Variants in PREX2 observed in about 807,000 individuals in gnomAD.
PREX2 encodes the protein phosphatidylinositol 3,4,5-trisphosphate-dependent Rac exchanger 2 protein.
A neutral mutation model predicts 203.2 loss-of-function variants in PREX2; 107 were observed. That is an observed-to-expected ratio of 0.53 (90% CI 0.45 to 0.62). The LOEUF (loss-of-function observed/expected upper bound fraction) is 0.62, where lower values mean the gene tolerates loss of function less well. PREX2 is among the 20% of genes least tolerant of loss of function. The pLI, the probability that PREX2 is intolerant of heterozygous loss-of-function variation, is 0.00. For synonymous variants in PREX2, 672 were observed against 663.6 expected (o/e 1.01, Z -0.19); for missense variants, 1,777 against 1,955.9 (o/e 0.91, Z 1.72).
intron 4 of PREX2, among the ~76,000 whole-genome samples, chr8:68,024,993 A>G (rs1020827010): frequency 6.6e-6 from 1 of 151,948 alleles, no homozygotes; most frequent in South Asian, 2.1e-4. Context: ...ATATTACATT[A>G]TATATGTTAT....
intron 37 of PREX2, among the ~76,000 whole-genome samples, chr8:68,214,093 G>A (rs1446324763): frequency 6.6e-6 from 1 of 152,050 alleles, no homozygotes; most frequent in Non-Finnish European, 1.5e-5. Context: ...AGAAGATTGG[G>A]GCATCAGGTA....
At chr8:68,115,018 T>C (rs1023395190) in intron 25 of PREX2, among the ~76,000 whole-genome samples, 104 of 130,958 alleles carry the variant, frequency 7.9e-4, no homozygotes, top group Non-Finnish European at 1.4e-3. Context: ...TTTTCTTTTC[T>C]TTCTTTTTTT....
In PREX2 at chr8:68,087,604, T is replaced by A. The variant is rs1585775220; in HGVS notation, c.2028-120T>A. ...GTCTCCAAGGATTTCTAGCCCAACATCTTTCACACTGTAGATCCTCAATAT... is the reference window on the plus strand; with the variant it reads ...GTCTCCAAGGATTTCTAGCCCAACAACTTTCACACTGTAGATCCTCAATAT... On this transcript the variant is annotated intron_variant, in intron 18 of 39. Coordinates refer to ENST00000288368, the MANE Select transcript of PREX2 (RefSeq NM_024870.4). 20 of 775,724 alleles carry A rather than the reference T, an allele frequency of 2.6e-5. No homozygotes were observed. The East Asian group carries it at 5.0e-4, about 20-fold the overall frequency. 48.1% of individuals were successfully genotyped at this position (775,724 alleles called of 1,614,324 possible).
intron 14 of PREX2, among the ~76,000 whole-genome samples, chr8:68,073,135 C>T (rs1218520286): frequency 5.3e-5 from 8 of 151,558 alleles, no homozygotes; most frequent in African/African-American, 1.9e-4. Flanking sequence ...TCCTTTCCAT[C>T]ATAAGAGACA....
Position 68,192,384 on chromosome 8 carries a change from C to T in PREX2, c.4463C>T (p.Ser1488Leu), listed in dbSNP as rs61753704. The T allele has an allele frequency of 0.011, 18,130 of 1,612,902 alleles. 1,176 individuals are homozygous for T. The East Asian group carries it at 0.2, about 18-fold the overall frequency. Residue 1488 changes from serine to leucine, a missense_variant, in exon 37 of 40, where the codon TCG (serine) becomes TTG (leucine). Coordinates refer to ENST00000288368, the MANE Select transcript of PREX2 (RefSeq NM_024870.4). ...ALDELYRLVA[S>L]FIRSKRTAAC... Reference sequence around the variant, plus strand: ...GATGAACTTTACCGACTGGTAGCCTCGTTTATCAGATCCAAGCGCACAGCT... The same window carrying T: ...GATGAACTTTACCGACTGGTAGCCTTGTTTATCAGATCCAAGCGCACAGCT...
Position 67,975,742 on chromosome 8 carries a change from C to T in PREX2, c.141+23207C>T, listed in dbSNP as rs1188002394. Reference sequence around the variant, plus strand: ...TTTTTGAGATGGAGTCTGGCTCTGTCGCCAAGACTGGAGTGCAGTGGCACA... The same window carrying T: ...TTTTTGAGATGGAGTCTGGCTCTGTTGCCAAGACTGGAGTGCAGTGGCACA... On this transcript the variant is annotated intron_variant, in intron 1 of 39. Transcript: ENST00000288368. Among the ~76,000 whole-genome samples the T allele has an allele frequency of 4.5e-5, 5 of 110,890 alleles. No homozygotes were observed. The South Asian group carries it at 9.1e-4, about 20-fold the overall frequency. 72.7% of individuals were successfully genotyped at this position (110,890 alleles called of 152,430 possible).
chr8:68,158,618 GT>G (rs1446889185), intron 35 of PREX2, among the ~76,000 whole-genome samples: 5 of 152,136 alleles, frequency 3.3e-5, no homozygotes, highest in African/African-American at 1.2e-4. Flanking sequence ...AGCATCAAGT[GT>G]GGCATCTTTA....
Position 68,234,021 on chromosome 8 carries a change from G to T in PREX2, c.*2643G>T, listed in dbSNP as rs1813219537. Reference sequence around the variant, plus strand: ...GTTTCCTGGACATTTTACAACTCTGGATGCACATTTTGAGGTAACTCAACA... The same window carrying T: ...GTTTCCTGGACATTTTACAACTCTGTATGCACATTTTGAGGTAACTCAACA... On this transcript the variant is annotated 3_prime_UTR_variant, in exon 40 of 40. Coordinates refer to ENST00000288368, the MANE Select transcript of PREX2 (RefSeq NM_024870.4). 6.6e-6 allele frequency: 1 copy of T among 152,124 alleles called. No homozygotes were observed. The highest frequency in any genetic ancestry group is 1.5e-5 in the Non-Finnish European group (1 of 68,014). 9.4% of individuals were successfully genotyped at this position (152,124 alleles called of 1,614,324 possible).
chr8:68,235,807 A>C lies in PREX2; in HGVS notation c.*4429A>C, dbSNP rs2129615782. 6.6e-6 allele frequency: 1 copy of C among 152,272 alleles called. No individual in the cohort carries two copies. The highest frequency in any genetic ancestry group is 1.5e-5 in the Non-Finnish European group (1 of 68,018). 9.4% of individuals were successfully genotyped at this position (152,272 alleles called of 1,614,324 possible). A position where few individuals can be genotyped will look rare whatever the true frequency, so the allele number is the denominator to read the frequency against. On this transcript the variant is annotated 3_prime_UTR_variant, in exon 40 of 40. Transcript: ENST00000288368. ...AAGGCTTGGCATTAACAGTGATGTC[A>C]GCATTCATACTGCCAACAGTCTGCT...
At chr8:68,105,227 T>G (rs1254287469) in intron 23 of PREX2, 2 of 1,367,688 alleles carry the variant, frequency 1.5e-6, no homozygotes, top group Non-Finnish European at 2.0e-6. Context: ...GCAGCACATT[T>G]CCAGTACCTG....
At chr8:68,117,827 G>C (rs1810687514) in intron 26 of PREX2, among the ~76,000 whole-genome samples, 1 of 152,134 alleles carries the variant, frequency 6.6e-6, no homozygotes, top group Non-Finnish European at 1.5e-5. Flanking sequence ...CCCTAAGGAA[G>C]CTCAGAGTGT....
chr8:68,132,369 G>A (rs1177744006), intron 31 of PREX2, among the ~76,000 whole-genome samples: 1 of 151,164 alleles, frequency 6.6e-6, no homozygotes, highest in East Asian at 1.9e-4. Flanking sequence ...ACATGTTGTT[G>A]GTTAAGTTAG....
intron 1 of PREX2, among the ~76,000 whole-genome samples, chr8:67,956,998 G>A (rs896135535): frequency 1.3e-5 from 2 of 152,116 alleles, no homozygotes; most frequent in Non-Finnish European, 2.9e-5. Flanking sequence ...ATTTCTCAGG[G>A]GTATTGTAAG....
intron 37 of PREX2, among the ~76,000 whole-genome samples, chr8:68,214,266 G>A (rs1812793503): frequency 2.6e-5 from 4 of 152,122 alleles, no homozygotes; most frequent in African/African-American, 9.7e-5. Context: ...TGCATGTGGT[G>A]GTGTATTCCT....
At chr8:68,099,966 CATTAT>C (rs1810211619) in intron 23 of PREX2, 123 bp downstream of exon 23, 1 of 900,564 alleles carries the variant, frequency 1.1e-6, no homozygotes, top group African/African-American at 1.6e-5. Flanking sequence ...GAGATGATAA[CATTAT>C]ATAACATTTT....
chr8:67,977,350 A>G (rs1456989074), intron 1 of PREX2, among the ~76,000 whole-genome samples: 1 of 152,222 alleles, frequency 6.6e-6, no homozygotes, highest in African/African-American at 2.4e-5. Flanking sequence ...GTTGATGGTA[A>G]TTTGTTTTAG....
intron 10 of PREX2, among the ~76,000 whole-genome samples, chr8:68,059,302 T>A (rs529153960): frequency 2.2e-4 from 33 of 152,034 alleles, no homozygotes; most frequent in Non-Finnish European, 4.1e-4. Flanking sequence ...CCTTTTTTTT[T>A]AAATCGCTAC....
At chr8:68,068,683 CAG>C (rs1809092923) in intron 11 of PREX2, among the ~76,000 whole-genome samples, 1 of 151,934 alleles carries the variant, frequency 6.6e-6, no homozygotes, top group African/African-American at 2.4e-5. Context: ...TGTGAAGAAA[CAG>C]AAAACACAAA....
rs1333066189 is a variant in PREX2, at chr8:68,072,478, T to A, written c.1494-17T>A. 2 of 1,465,932 alleles carry A rather than the reference T, an allele frequency of 1.4e-6. No individual in the cohort carries two copies. Among genetic ancestry groups the A allele is most frequent in the Non-Finnish European group, 1.9e-6 (2 of 1,059,958 alleles). The allele number at this position is 1,465,932 out of a possible 1,614,324, so 90.8% of individuals were successfully genotyped here. Reference sequence around the variant, plus strand: ...TTTTTGTTTTTTGTTTGTTTGTTTTTATTTTTTCCTTTATAGAGATAAAGA... The same window carrying A: ...TTTTTGTTTTTTGTTTGTTTGTTTTAATTTTTTCCTTTATAGAGATAAAGA... On this transcript the variant is annotated splice_polypyrimidine_tract_variant and intron_variant, in intron 13 of 39. Transcript: ENST00000288368.
Sources: allele counts gnomAD v4.1 joint callset (sites outside exome capture counted in the v4.1 genomes callset), GRCh38; gene constraint gnomAD v4.1.1; transcripts MANE v1.5; gene names NCBI Gene and HGNC (gene_info 2026-07-23, HGNC 2026-07-21).